The following MITD1 variants were observed in gnomAD, a reference collection of about 807,000 sequenced individuals.
The protein encoded by MITD1 is microtubule interacting and trafficking domain containing 1, also known as MIT domain-containing protein 1.
In MITD1, 24 loss-of-function variants were observed where a neutral mutation model predicts 34.9. That is an observed-to-expected ratio of 0.69 (90% confidence interval 0.50 to 0.97). The LOEUF is 0.97. MITD1 is among the 50% of genes least tolerant of loss of function. The pLI is 0.00. For missense variants in MITD1, 266 were observed against 294.6 expected, an observed-to-expected ratio of 0.90 and a Z score of 0.71; for synonymous variants, 102 against 101.4, an observed-to-expected ratio of 1.01 and a Z score of -0.04.
chr2:99,170,925 G>A (rs2093852940), intron 4 of MITD1: 1 of 269,888 alleles, frequency 3.7e-6, no homozygotes, highest in Non-Finnish European at 7.0e-6. Flanking sequence ...GGAGCTGACT[G>A]CTTTTGAAAT....
intron 2 of MITD1, chr2:99,173,601 A>G: frequency 2.1e-6 from 1 of 468,966 alleles, no homozygotes; most frequent in Non-Finnish European, 4.1e-6. Context: ...GGGTCCACAC[A>G]TAAGCTTCAT....
intron 6 of MITD1, 22 bp downstream of exon 6, chr2:99,169,528 T>C: frequency 6.2e-7 from 1 of 1,602,806 alleles, no homozygotes; most frequent in Non-Finnish European, 8.5e-7. Flanking sequence ...GCTACACATT[T>C]ACTCATAAGA....
downstream of MITD1, chr2:99,161,521 T>G (rs2105197295): frequency 2.0e-5 from 3 of 152,092 alleles, 1 homozygote; most frequent in Middle Eastern, 3.4e-3. Context: ...TACTTGTGAA[T>G]TCAACATAAT....
chr2:99,173,505 T>G, intron 2 of MITD1: 1 of 470,088 alleles, frequency 2.1e-6, no homozygotes, highest in Non-Finnish European at 4.4e-6. Context: ...TTTAGCTTCT[T>G]TCATGATTTT....
downstream of MITD1, among the ~76,000 whole-genome samples, chr2:99,165,072 A>G (rs1190925698): frequency 1.3e-5 from 2 of 150,216 alleles, no homozygotes; most frequent in African/African-American, 2.4e-5. Context: ...ATATATATAT[A>G]GTCTTATTTT....
At chr2:99,162,794 T>C in intron 7 of MITD1, 2 of 1,614,174 alleles carry the variant, frequency 1.2e-6, no homozygotes, top group South Asian at 2.2e-5. Context: ...CTCCAAAGTT[T>C]AGTATAAATA....
At chr2:99,162,526 C>T (rs1276156862) in intron 7 of MITD1, 1 of 1,613,936 alleles carries the variant, frequency 6.2e-7, no homozygotes, top group Non-Finnish European at 8.5e-7. Context: ...ACGTTCTTGT[C>T]TTCTTTGCTA....
chr2:99,179,751 C>T (rs992514106), intron 1 of MITD1, among the ~76,000 whole-genome samples: 2 of 151,966 alleles, frequency 1.3e-5, no homozygotes, highest in African/African-American at 2.4e-5. Context: ...TCAGTAGAGA[C>T]GGGGTTTCAC....
In MITD1 at chr2:99,180,882, C is replaced by T; in HGVS notation, c.100G>A (p.Ala34Thr). The T allele has an allele frequency of 1.2e-6, 2 of 1,614,218 alleles. No individual in the cohort carries two copies. Among genetic ancestry groups the T allele is most frequent in the East Asian group, 2.2e-5 (1 of 44,888 alleles). ...ELDSESRYPQ[A>T]LVCYQEGIDL... ...ATCCCCTCTTGGTAACACACCAGAGCCTGCGGATACCGCGACTCCGAATCT... is the reference window on the plus strand; with the variant it reads ...ATCCCCTCTTGGTAACACACCAGAGTCTGCGGATACCGCGACTCCGAATCT... Residue 34 changes from alanine to threonine, a missense_variant, in exon 1 of 7, where the codon GCT becomes ACT. Transcript: ENST00000289359.
chr2:99,169,423 A>C lies in MITD1; in HGVS notation c.702T>G (p.His234Gln), dbSNP rs1293825807. Residue 234 changes from histidine to glutamine, a missense_variant, in exon 7 of 7, where the codon CAT becomes CAG. Transcript: ENST00000289359. The part of the protein sequence containing the change: ...GYCDFDLRPC[H>Q]ETTVDIFHKK... ...TATGAAAAATGTCTACTGTTGTTTC[A>C]TGACATGGTCTTAAATCAAAATCAC... The C allele has an allele frequency of 2.0e-6, 3 of 1,495,198 alleles. No homozygotes were observed. The highest frequency in any genetic ancestry group is 2.8e-6 in the Non-Finnish European group (3 of 1,088,180). 92.6% of individuals were successfully genotyped at this position (1,495,198 alleles called of 1,614,324 possible). A position where few individuals can be genotyped will look rare whatever the true frequency, so the allele number is the denominator to read the frequency against.
At chr2:99,162,957 A>G in intron 7 of MITD1, 3 of 1,614,034 alleles carry the variant, frequency 1.9e-6, no homozygotes, top group Non-Finnish European at 2.5e-6. Flanking sequence ...TCTTATTGGC[A>G]GTAAGTTTTG....
chr2:99,179,414 G>A (rs1015585060), intron 1 of MITD1, among the ~76,000 whole-genome samples: 10 of 152,178 alleles, frequency 6.6e-5, no homozygotes, highest in African/African-American at 2.4e-4. Context: ...CTACTTGATA[G>A]GGCAATTGGT....
chr2:99,170,477 T>G, intron 5 of MITD1, 60 bp downstream of exon 5: 4 of 520,196 alleles, frequency 7.7e-6, no homozygotes, highest in Non-Finnish European at 1.0e-5. Context: ...TATAAAACAT[T>G]TACAAAAATT....
chr2:99,169,360 T>C lies in MITD1; in HGVS notation c.*15A>G, dbSNP rs779928682. On this transcript the variant is annotated 3_prime_UTR_variant, in exon 7 of 7. Coordinates refer to ENST00000289359, the MANE Select transcript of MITD1 (RefSeq NM_138798.3). ...TCACTTAAAGTAGACATAATACAAA[T>C]TAGGCTACCACCCATCATATATTTT... 1.5e-6 allele frequency: 2 copies of C among 1,303,500 alleles called. No individual in the cohort carries two copies. Among genetic ancestry groups the C allele is most frequent in the South Asian group, 2.5e-5 (2 of 79,046 alleles). 80.7% of individuals were successfully genotyped at this position (1,303,500 alleles called of 1,614,324 possible). A position where few individuals can be genotyped will look rare whatever the true frequency, so the allele number is the denominator to read the frequency against.
chr2:99,173,982 T>C lies in MITD1; in HGVS notation c.186A>G (p.Arg62=). The C allele has an allele frequency of 6.3e-7, 1 of 1,596,732 alleles. No individual in the cohort carries two copies. The highest frequency in any genetic ancestry group is 8.6e-7 in the Non-Finnish European group (1 of 1,165,732). Residue 62 remains arginine (R), a synonymous_variant, in exon 2 of 7, where the codon AGA becomes AGG. Transcript: ENST00000289359. The part of the protein sequence containing the change: ...TKDNTKRCNL[R]EKISKYMDRA... Reference sequence around the variant, plus strand: ...TGTCCATGTATTTGGAAATTTTTTCTCTGAGATTACATCTCTTAGTATTAT... The same window carrying C: ...TGTCCATGTATTTGGAAATTTTTTCCCTGAGATTACATCTCTTAGTATTAT...
chr2:99,175,609 G>A (rs2093882439), intron 1 of MITD1, among the ~76,000 whole-genome samples: 1 of 152,120 alleles, frequency 6.6e-6, no homozygotes, highest in East Asian at 1.9e-4. Context: ...TAATTTGTAA[G>A]TACCTTATGG....
At chr2:99,162,619 C>G (rs538516568) in intron 7 of MITD1, 1 of 1,614,138 alleles carries the variant, frequency 6.2e-7, no homozygotes, top group South Asian at 1.1e-5. Context: ...AAGGATCCCA[C>G]TCTGACCTGT....
At chr2:99,162,000 T>C (rs1034067849) in exon 8 of MITD1, 13 of 1,611,982 alleles carry the variant, frequency 8.1e-6, no homozygotes, top group African/African-American at 1.3e-5. Context: ...CCAGTTACTT[T>C]GTAACTGCCA....
chr2:99,170,823 T>C (rs2093852352), intron 4 of MITD1, 171 bp from the exon 5 acceptor site: 1 of 406,488 alleles, frequency 2.5e-6, no homozygotes, highest in Non-Finnish European at 4.4e-6. Context: ...AAAGAGCAAT[T>C]ATTTTTATCA....
Sources: gnomAD v4.1 joint callset for allele counts (sites outside exome capture counted in the v4.1 genomes callset) on GRCh38, gnomAD v4.1.1 for gene constraint, MANE v1.5 for transcripts, NCBI Gene and HGNC (gene_info 2026-07-23, HGNC 2026-07-21) for gene names.